The following FRMPD4 variants were observed in gnomAD, a reference collection of about 807,000 sequenced individuals.
The protein encoded by FRMPD4 is FERM and PDZ domain containing 4.
In FRMPD4, 22 loss-of-function variants were observed where a neutral mutation model predicts 94.1. The ratio of observed to expected loss-of-function variants is 0.23; its 90% confidence interval spans 0.17 to 0.33. The LOEUF is 0.33. FRMPD4 is among the 10% of genes least tolerant of loss of function. The probability of loss-of-function intolerance (pLI) is 1.00; values close to 1 mark genes in which losing one functional copy is unlikely to be tolerated. For missense variants in FRMPD4, 1,111 were observed against 1,339.9 expected (o/e 0.83, Z 2.67); for synonymous variants, 631 against 548.6 (o/e 1.15, Z -2.10).
At chrX:12,474,510 A>G (rs1049504272) in intron 1 of FRMPD4, among the ~76,000 whole-genome samples, 4 of 111,929 alleles carry the variant, frequency 3.6e-5, no homozygotes, top group Admixed American at 9.5e-5. Flanking sequence ...CAAAAAATCA[A>G]TGAATCCAGG....
At chrX:12,264,568 A>T (rs2054244532) in intron 1 of FRMPD4, among the ~76,000 whole-genome samples, 1 of 112,412 alleles carries the variant, frequency 8.9e-6, no homozygotes, top group East Asian at 2.8e-4. Context: ...TTTCTTCATA[A>T]CAGGTGTTGA....
intron 3 of FRMPD4, among the ~76,000 whole-genome samples, chrX:11,987,115 A>AAAAAC (rs2054434510): frequency 3.0e-5 from 3 of 101,085 alleles, no homozygotes; most frequent in African/African-American, 1.1e-4. Flanking sequence ...AAAAAAAAAA[A>AAAAAC]AAAAAAAAAA....
intron 2 of FRMPD4, among the ~76,000 whole-genome samples, chrX:12,523,972 T>C (rs775545994): frequency 1.5e-4 from 17 of 110,617 alleles, no homozygotes; most frequent in East Asian, 5.7e-4. Flanking sequence ...CTGGGCAACA[T>C]AGTGAGACCA....
chrX:12,061,627 C>T (rs2054887151), intron 3 of FRMPD4, among the ~76,000 whole-genome samples: 1 of 111,450 alleles, frequency 9.0e-6, no homozygotes, highest in African/African-American at 3.3e-5. Context: ...GAAACTAAGT[C>T]ATGTTTAATT....
chrX:12,573,974 G>A (rs1012406682), intron 2 of FRMPD4, among the ~76,000 whole-genome samples: 5 of 112,001 alleles, frequency 4.5e-5, no homozygotes, highest in Admixed American at 3.8e-4. Context: ...TAAATATGTT[G>A]CTTATGTTAA....
At chrX:12,337,219 G>A (rs1488029886) in intron 1 of FRMPD4, among the ~76,000 whole-genome samples, 7 of 111,783 alleles carry the variant, frequency 6.3e-5, no homozygotes, top group Non-Finnish European at 1.1e-4. Context: ...TGATCTTTTC[G>A]TAGGCAAGTG....
chrX:11,866,998 C>A (rs1040534590), intron 2 of FRMPD4, among the ~76,000 whole-genome samples: 3 of 110,590 alleles, frequency 2.7e-5, no homozygotes, highest in African/African-American at 9.8e-5. Context: ...TTGCATATCA[C>A]AACAGCCTAT....
chrX:12,358,198 T>C (rs1257080085), intron 1 of FRMPD4, among the ~76,000 whole-genome samples: 2 of 111,867 alleles, frequency 1.8e-5, no homozygotes, highest in African/African-American at 6.5e-5. Flanking sequence ...GCTATGATTT[T>C]TTTTTAACTT....
intron 3 of FRMPD4, among the ~76,000 whole-genome samples, chrX:12,022,849 G>A (rs1246658963): frequency 9.0e-6 from 1 of 111,126 alleles, no homozygotes; most frequent in Non-Finnish European, 1.9e-5. Flanking sequence ...AGATCACTCT[G>A]TCTCACGTCC....
intron 1 of FRMPD4, among the ~76,000 whole-genome samples, chrX:12,172,710 A>C (rs1392054616): frequency 8.9e-6 from 1 of 112,314 alleles, no homozygotes; most frequent in Non-Finnish European, 1.9e-5. Context: ...TGAAGGTGAG[A>C]GAGACCTACT....
At chrX:11,996,651 T>A (rs542434176) in intron 3 of FRMPD4, among the ~76,000 whole-genome samples, 2 of 112,528 alleles carry the variant, frequency 1.8e-5, no homozygotes, top group Admixed American at 1.9e-4. Context: ...GTTTGTCTTT[T>A]TTCAGTCAAT....
At chrX:11,878,174 C>T (rs1277285392) in intron 3 of FRMPD4, among the ~76,000 whole-genome samples, 1 of 112,120 alleles carries the variant, frequency 8.9e-6, no homozygotes, top group Non-Finnish European at 1.9e-5. Flanking sequence ...AAATGAAGTC[C>T]TTCTGAGTTT....
chrX:12,230,716 C>G (rs991901317), intron 1 of FRMPD4, among the ~76,000 whole-genome samples: 1 of 105,919 alleles, frequency 9.4e-6, no homozygotes, highest in African/African-American at 3.4e-5. Flanking sequence ...TTTTTCTTCC[C>G]TATTTGCATT....
At chrX:12,386,850 A>T (rs963832503) in intron 1 of FRMPD4, among the ~76,000 whole-genome samples, 1 of 111,244 alleles carries the variant, frequency 9.0e-6, no homozygotes, top group East Asian at 2.8e-4. Context: ...AGCTAGCCTT[A>T]TGGGGCGGGG....
At chrX:12,595,095 C>T (rs775266082) in intron 2 of FRMPD4, among the ~76,000 whole-genome samples, 1 of 112,102 alleles carries the variant, frequency 8.9e-6, no homozygotes, top group South Asian at 3.8e-4. Context: ...TTCTTTTCTC[C>T]AGGGCCTAGC....
intron 1 of FRMPD4, among the ~76,000 whole-genome samples, chrX:12,392,520 GT>G (rs1209760746): frequency 2.8e-5 from 3 of 108,948 alleles, no homozygotes; most frequent in Non-Finnish European, 5.7e-5. Context: ...CGGCGTGGCG[GT>G]GCTTGCCTGT....
rs1302259755 is a variant in FRMPD4 at position 12,674,972 on chromosome X, TCCAGTAAAA to T, written c.468+68_468+76del. ...CAGGCTTCTTGTTTCTTCTGCCCAC[TCCAGTAAAA>T]CCATAATGATGAATAACAGCAGAGA... On this transcript the variant is annotated intron_variant, in intron 5 of 16. Transcript: ENST00000675598. The T allele has an allele frequency of 2.7e-5, 19 of 709,310 alleles. No homozygotes were observed. In the African/African-American group the frequency reaches 3.6e-4, roughly 13 times the overall value. 58.5% of individuals were successfully genotyped at this position (709,310 alleles called of 1,213,427 possible). A position where few individuals can be genotyped will look rare whatever the true frequency, so the allele number is the denominator to read the frequency against.
intron 3 of FRMPD4, among the ~76,000 whole-genome samples, chrX:11,907,398 C>A (rs1473080855): frequency 9.0e-6 from 1 of 111,619 alleles, no homozygotes; most frequent in African/African-American, 3.3e-5. Context: ...AGATATTTGT[C>A]TTAGTTCAGG....
intron 1 of FRMPD4, among the ~76,000 whole-genome samples, chrX:11,852,046 G>T (rs1160726340): frequency 9.1e-6 from 1 of 110,346 alleles, no homozygotes; most frequent in Non-Finnish European, 1.9e-5. Context: ...TTTTCATCTG[G>T]CATGATTAAG....
Sources: allele counts gnomAD v4.1 joint callset (sites outside exome capture counted in the v4.1 genomes callset), GRCh38; gene constraint gnomAD v4.1.1; transcripts MANE v1.5; gene names NCBI Gene and HGNC (gene_info 2026-07-23, HGNC 2026-07-21).